Variants in GSDMA observed in about 807,000 individuals in gnomAD.
The protein encoded by GSDMA is gasdermin A.
GSDMA carries 55 observed loss-of-function variants against 54.3 expected under a neutral mutation model. That is an observed-to-expected ratio of 1.01 (90% CI 0.82 to 1.27). The LOEUF (loss-of-function observed/expected upper bound fraction) is 1.27. GSDMA is among the 50% of genes most tolerant of loss of function. The probability of loss-of-function intolerance (pLI) is 0.00; values close to 1 mark genes in which losing one functional copy is unlikely to be tolerated. For synonymous variants in GSDMA, 211 were observed against 224.7 expected (o/e 0.94, Z 0.54); for missense variants, 542 against 542.6 (o/e 1.00, Z 0.01).
intron 3 of GSDMA, among the ~76,000 whole-genome samples, chr17:39,970,108 G>A (rs11654564): frequency 0.023 from 3,432 of 150,930 alleles, 164 homozygotes; most frequent in African/African-American, 0.078. Context: ...ATCTACCCCC[G>A]GGATCCCAGA....
chr17:39,977,602 T>C lies in GSDMA; in HGVS notation c.*544T>C, dbSNP rs1457098693. The C allele has an allele frequency of 1.3e-5, 2 of 152,272 alleles. No homozygotes were observed. Among genetic ancestry groups the C allele is most frequent in the Non-Finnish European group, 2.9e-5 (2 of 68,160 alleles). 9.4% of individuals were successfully genotyped at this position (152,272 alleles called of 1,614,324 possible). Reference sequence around the variant, plus strand: ...CCACCGTGCCCGGCCTGTGCTTAAATATTCTAGGAGTAGAAGCACTCAGAC... The same window carrying C: ...CCACCGTGCCCGGCCTGTGCTTAAACATTCTAGGAGTAGAAGCACTCAGAC... On this transcript the variant is annotated 3_prime_UTR_variant, in exon 12 of 12. Transcript: ENST00000301659.
At chr17:39,973,679 C>A in intron 7 of GSDMA, 131 bp from the exon 8 acceptor site, 1 of 742,092 alleles carries the variant, frequency 1.3e-6, no homozygotes. Flanking sequence ...ATGCCAGGAA[C>A]AAGGTAGCTG....
chr17:39,966,442 G>A lies in GSDMA; in HGVS notation c.392+5G>A, dbSNP rs761816995. The A allele has an allele frequency of 1.3e-6, 2 of 1,594,186 alleles. No homozygotes were observed. The highest frequency in any genetic ancestry group is 3.7e-5 in the Admixed American group (2 of 54,282). ...CCTGGAGACCGTGCAGGAGAGGTGA[G>A]AGTGGGCGGGACTGAGGGTCTCCCG... On this transcript the variant is annotated splice_donor_5th_base_variant and intron_variant, in intron 3 of 11. Coordinates refer to ENST00000301659, the MANE Select transcript of GSDMA (RefSeq NM_178171.5).
intron 3 of GSDMA, among the ~76,000 whole-genome samples, chr17:39,966,642 G>A (rs532587150): frequency 3.3e-5 from 5 of 152,274 alleles, no homozygotes; most frequent in Admixed American, 6.5e-5. Flanking sequence ...TGCTGCCACC[G>A]TCTCCAGGAC....
rs1468172261 is a variant in GSDMA, at chr17:39,976,766, GGA to G, written c.1096-44_1096-43del. The G allele has an allele frequency of 2.5e-6, 4 of 1,606,206 alleles. No individual in the cohort carries two copies. The African/African-American group carries it at 5.4e-5, about 22-fold the overall frequency. ...CTTGTGATTTTTGTGAGTTAGGAGA[GGA>G]GAGAGGTTTCCAGTTCTTTCTTTTC... On this transcript the variant is annotated intron_variant, in intron 11 of 11. Coordinates refer to ENST00000301659, the MANE Select transcript of GSDMA (RefSeq NM_178171.5).
Position 39,972,137 on chromosome 17 carries a change from CAT to C in GSDMA, c.667_668del (p.Ile223LeufsTer3). The C allele has an allele frequency of 3.8e-6, 4 of 1,054,496 alleles. No individual in the cohort carries two copies. The highest frequency in any genetic ancestry group is 1.7e-5 in the African/African-American group (1 of 60,560). 65.3% of individuals were successfully genotyped at this position (1,054,496 alleles called of 1,614,324 possible). On this transcript the variant is annotated frameshift_variant, in exon 6 of 12. Coordinates refer to ENST00000301659, the MANE Select transcript of GSDMA (RefSeq NM_178171.5). LOFTEE classifies it high-confidence loss of function. The stretch of plus-strand genomic sequence containing the variant: ...TCCCTTGCCCTTCACAGATATTCCA[CAT>C]ATCTGCAATGATAACATGCAAACCT... ...VKGKDEWDIP[H>X]ICNDNMQTFP...
At chr17:39,969,097 C>T (rs1387870010) in intron 3 of GSDMA, among the ~76,000 whole-genome samples, 1 of 151,944 alleles carries the variant, frequency 6.6e-6, no homozygotes, top group Non-Finnish European at 1.5e-5. Context: ...GTCTCACTCC[C>T]GTAAGCCCAG....
chr17:39,966,125 C>T, intron 2 of GSDMA, 135 bp from the exon 3 acceptor site: 1 of 950,570 alleles, frequency 1.1e-6, no homozygotes, highest in East Asian at 2.5e-5. Flanking sequence ...TGGGTTCTTG[C>T]TTTGTTGCCC....
chr17:39,971,481 T>G, intron 4 of GSDMA, 43 bp from the exon 5 acceptor site: 1 of 1,502,478 alleles, frequency 6.7e-7, no homozygotes, highest in South Asian at 1.1e-5. Context: ...ATCTCATACT[T>G]AAGATGTCCA....
chr17:39,973,818 G>A lies in GSDMA; in HGVS notation c.739G>A (p.Ala247Thr), dbSNP rs770633534. The A allele has an allele frequency of 6.2e-6, 10 of 1,612,494 alleles. No individual in the cohort carries two copies. The South Asian group carries it at 6.6e-5, about 11-fold the overall frequency. ...TTTCCTTTTTTTCTCAGTTATCCAGGCATCTGATGTTGGTAAGGAACTTTG... is the reference window on the plus strand; with the variant it reads ...TTTCCTTTTTTTCTCAGTTATCCAGACATCTGATGTTGGTAAGGAACTTTG... ...SGEEKVILIQ[A>T]SDVGDVHEGF... is the part of the protein sequence containing the mutation. Residue 247 changes from alanine to threonine, a missense_variant, in exon 8 of 12, where the codon GCA becomes ACA. By Grantham distance (58) the Ala-to-Thr change is moderately conservative. Coordinates refer to ENST00000301659, the MANE Select transcript of GSDMA (RefSeq NM_178171.5).
Position 39,977,453 on chromosome 17 carries a change from A to G in GSDMA, c.*395A>G, listed in dbSNP as rs994352783. 1 of 167,192 alleles carries G rather than the reference A, an allele frequency of 6.0e-6. No homozygotes were observed. Among genetic ancestry groups the G allele is most frequent in the Non-Finnish European group, 1.3e-5 (1 of 77,230 alleles). 10.4% of individuals were successfully genotyped at this position (167,192 alleles called of 1,614,324 possible). ...ATTACAGGCACGTGCCACGACACCC[A>G]GCTAATTTTTGTATTTTTAGTAGAG... On this transcript the variant is annotated 3_prime_UTR_variant, in exon 12 of 12. Transcript: ENST00000301659.
At chr17:39,975,877 C>A (rs1292637653) in intron 10 of GSDMA, 47 bp from the exon 11 acceptor site, 2 of 1,371,976 alleles carry the variant, frequency 1.5e-6, no homozygotes, top group Admixed American at 2.0e-5. Flanking sequence ...AGGCTGTAGT[C>A]CCCTCTGCAC....
chr17:39,965,628 T>C, intron 1 of GSDMA, 55 bp from the exon 2 acceptor site: 1 of 1,387,002 alleles, frequency 7.2e-7, no homozygotes, highest in Non-Finnish European at 1.0e-6. Flanking sequence ...TATCCCGGGC[T>C]CCTTGGCAGC....
intron 1 of GSDMA, among the ~76,000 whole-genome samples, chr17:39,963,406 G>GC (rs879350537): frequency 2.1e-4 from 32 of 151,388 alleles, no homozygotes; most frequent in Admixed American, 7.2e-4. Context: ...CGTGCTTCCT[G>GC]CCCCCCCTGC....
At chr17:39,969,627 A>G (rs11650073) in intron 3 of GSDMA, among the ~76,000 whole-genome samples, 3,521 of 152,236 alleles carry the variant, frequency 0.023, 167 homozygotes, top group African/African-American at 0.08. Flanking sequence ...AGGCGAGGTC[A>G]TTGAGACTGA....
intron 3 of GSDMA, among the ~76,000 whole-genome samples, chr17:39,967,950 T>C (rs4794821): frequency 0.51 from 78,069 of 151,942 alleles, 20,407 homozygotes; most frequent in African/African-American, 0.59. Flanking sequence ...CTCCGCCTCC[T>C]GGGTTCAAGC....
Position 39,975,972 on chromosome 17 carries a change from A to T in GSDMA, c.1070A>T (p.Lys357Met), listed in dbSNP as rs1212418839. 1.3e-6 allele frequency: 2 copies of T among 1,599,250 alleles called. No homozygotes were observed. Among genetic ancestry groups the T allele is most frequent in the African/African-American group, 2.7e-5 (2 of 74,730 alleles). Residue 357 changes from lysine to methionine, a missense_variant, in exon 11 of 12, where the codon AAG becomes ATG. Lys to Met is a moderately conservative substitution (Grantham distance 95, BLOSUM62 -1). Coordinates refer to ENST00000301659, the MANE Select transcript of GSDMA (RefSeq NM_178171.5). ...QKLLVKSMEK[K>M]ILPVQLKLVE... ...CTGCTGGTGAAATCCATGGAGAAAA[A>T]GATCCTACCCGTGCAGCTAAAGCTG...
chr17:39,974,082 C>A (rs1980082677), intron 8 of GSDMA, among the ~76,000 whole-genome samples, 191 bp from the exon 9 acceptor site: 1 of 152,172 alleles, frequency 6.6e-6, no homozygotes, highest in Non-Finnish European at 1.5e-5. Context: ...CTCGCCCCAA[C>A]CCTCAGGTTA....
At chr17:39,972,687 C>T (rs1329494429) in intron 7 of GSDMA, 74 bp downstream of exon 7, 1 of 1,200,882 alleles carries the variant, frequency 8.3e-7, no homozygotes, top group Non-Finnish European at 1.2e-6. Context: ...TTCTTTCCTT[C>T]TGACAGGACT....
Sources: gnomAD v4.1 joint callset for allele counts (sites outside exome capture counted in the v4.1 genomes callset) on GRCh38, gnomAD v4.1.1 for gene constraint, MANE v1.5 for transcripts, NCBI Gene and HGNC (gene_info 2026-07-23, HGNC 2026-07-21) for gene names.